Variants in DCX observed in about 807,000 individuals in gnomAD.
DCX encodes the protein neuronal migration protein doublecortin.
A neutral mutation model predicts 20.9 loss-of-function variants in DCX; 4 were observed. The ratio of observed to expected loss-of-function variants is 0.19; its 90% CI spans 0.09 to 0.44. DCX has a LOEUF of 0.44. Among genes scored for constraint, DCX ranks in the 20% least tolerant of loss-of-function variants. The probability of loss-of-function intolerance (pLI) is 0.99; values close to 1 mark genes in which losing one functional copy is unlikely to be tolerated. For missense variants in DCX, 133 were observed against 296.9 expected, an observed-to-expected ratio of 0.45 and a Z score of 4.06; for synonymous variants, 103 against 111.4, an observed-to-expected ratio of 0.92 and a Z score of 0.47.
rs761786389 is a variant in DCX, at chrX:111,410,784, G to A, written c.-22-364C>T. On this transcript the variant is annotated intron_variant, in intron 1 of 6. Transcript: ENST00000636035. ...GTGGCTCCTATCAAATTGGAACTTC[G>A]GGCTAAATACATTAAAACTGGCATC... 25 of 1,208,031 alleles carry A rather than the reference G, an allele frequency of 2.1e-5. No homozygotes were observed. The highest frequency in any genetic ancestry group is 2.6e-5 in the Non-Finnish European group (23 of 894,615).
chrX:111,295,708 AT>A lies in DCX; in HGVS notation c.*5978del, dbSNP rs1445699696. On this transcript the variant is annotated 3_prime_UTR_variant, in exon 7 of 7. Coordinates refer to ENST00000636035, the MANE Select transcript of DCX (RefSeq NM_001195553.2). ...TGGGTGGATTTTTTCTCTTCAGCTG[AT>A]TATGTCTCTGAGCACGCTTCACTGC... 4.4e-5 allele frequency: 5 copies of A among 112,455 alleles called. No homozygotes were observed. The highest frequency in any genetic ancestry group is 9.4e-5 in the Non-Finnish European group (5 of 53,290). 9.3% of individuals were successfully genotyped at this position (112,455 alleles called of 1,213,427 possible). A position where few individuals can be genotyped will look rare whatever the true frequency, so the allele number is the denominator to read the frequency against.
intron 2 of DCX, among the ~76,000 whole-genome samples, chrX:111,405,227 T>C (rs1300621951): frequency 8.9e-6 from 1 of 112,281 alleles, no homozygotes; most frequent in African/African-American, 3.2e-5. Context: ...TGCCTGGGTT[T>C]TCTCCTCTTC....
In DCX at chrX:111,408,612, GAAGAAAGAAAGAAAGAAAAGAGA is replaced by G. The variant is rs1437775728; in HGVS notation, c.364+1400_364+1422del. The stretch of plus-strand genomic sequence containing the variant: ...GCGAAACTCTGTGAAAGAAAGAAAG[GAAGAAAGAAAGAAAGAAAAGAGA>G]AAGAAAGAAAGAAAGAAAGAAAGAA... On this transcript the variant is annotated intron_variant, in intron 2 of 6. Transcript: ENST00000636035. 1.4e-4 allele frequency among the ~76,000 whole-genome samples: 12 copies of G among 87,886 alleles called. 1 individual carries two copies. The highest frequency in any genetic ancestry group is 1.1e-3 in the Admixed American group (8 of 7,198). 76.3% of individuals were successfully genotyped at this position (87,886 alleles called of 115,157 possible). A position where few individuals can be genotyped will look rare whatever the true frequency, so the allele number is the denominator to read the frequency against.
rs1014291561 is a variant in DCX, at chrX:111,337,561, T to C, written c.706-4408A>G. Among the ~76,000 whole-genome samples the C allele has an allele frequency of 2.7e-5, 3 of 111,835 alleles. No homozygotes were observed. In the Admixed American group the frequency reaches 2.8e-4, roughly 11 times the overall value. ...GAGTCTATTAGCTGCAAATAGAAAC[T>C]TCACTGTGTGACTTGATTTAAGCTT... is the stretch of plus-strand genomic sequence containing the variant. On this transcript the variant is annotated intron_variant, in intron 3 of 6. Coordinates refer to ENST00000636035, the MANE Select transcript of DCX (RefSeq NM_001195553.2).
intron 3 of DCX, among the ~76,000 whole-genome samples, chrX:111,391,139 G>A (rs1926917096): frequency 9.0e-6 from 1 of 111,176 alleles, no homozygotes; most frequent in South Asian, 3.8e-4. Flanking sequence ...GCGGGACCTG[G>A]TGGGAGGTGA....
chrX:111,333,265 A>C (rs1921427918), intron 3 of DCX, 112 bp from the exon 4 acceptor site: 1 of 581,166 alleles, frequency 1.7e-6, no homozygotes, highest in African/African-American at 2.3e-5. Context: ...TTCAGCTCCC[A>C]GGAGTTTTCT....
In DCX at chrX:111,409,564, A is replaced by G. The variant is rs550468295; in HGVS notation, c.364+471T>C. Among the ~76,000 whole-genome samples the G allele has an allele frequency of 1.9e-4, 21 of 112,004 alleles. No homozygotes were observed. The South Asian group carries it at 7.6e-3, about 40-fold the overall frequency. ...TACCTAAAAGAATAATCCTCTGTGA[A>G]TATGTCCAGGAAATCCTGCTCTTAG... is the stretch of plus-strand genomic sequence containing the variant. On this transcript the variant is annotated intron_variant, in intron 2 of 6. Coordinates refer to ENST00000636035, the MANE Select transcript of DCX (RefSeq NM_001195553.2).
intron 5 of DCX, among the ~76,000 whole-genome samples, chrX:111,330,382 C>T (rs1921104436): frequency 8.9e-6 from 1 of 111,879 alleles, no homozygotes; most frequent in Admixed American, 9.5e-5. Context: ...GCTTTACTTT[C>T]CGGTTGTGAG....
intron 5 of DCX, among the ~76,000 whole-genome samples, chrX:111,321,610 A>G (rs2095086692): frequency 9.0e-6 from 1 of 111,420 alleles, no homozygotes; most frequent in African/African-American, 3.3e-5. Flanking sequence ...TAGTTCCCAA[A>G]GAACAATGAG....
At chrX:111,306,655 G>C (rs1217279956) in intron 6 of DCX, among the ~76,000 whole-genome samples, 1 of 111,322 alleles carries the variant, frequency 9.0e-6, no homozygotes, top group Non-Finnish European at 1.9e-5. Context: ...CTCCAGGATA[G>C]ATCATATGCT....
At chrX:111,330,186 G>C (rs1046818605) in intron 5 of DCX, among the ~76,000 whole-genome samples, 2 of 111,965 alleles carry the variant, frequency 1.8e-5, no homozygotes, top group African/African-American at 6.5e-5. Context: ...TGAGCTAAAT[G>C]GTTTGCTTAA....
intron 3 of DCX, among the ~76,000 whole-genome samples, chrX:111,357,568 C>G (rs1427800064): frequency 7.2e-5 from 8 of 111,257 alleles, no homozygotes; most frequent in Non-Finnish European, 1.5e-4. Flanking sequence ...CACTTGAGCT[C>G]AGGAGTTTGA....
Position 111,376,551 on chromosome X carries a change from C to A in DCX, c.705+24439G>T, listed in dbSNP as rs146119850. On this transcript the variant is annotated intron_variant, in intron 3 of 6. Transcript: ENST00000636035. The stretch of plus-strand genomic sequence containing the variant: ...GGGCTTGCTGATCAGTAAGCAGAAC[C>A]AATGAAAATAAGAGCTGAATTGTCC... Among the ~76,000 whole-genome samples, 615 of 111,621 alleles carry A rather than the reference C, an allele frequency of 5.5e-3. 5 individuals carry two copies. The highest frequency in any genetic ancestry group is 0.019 in the African/African-American group (592 of 30,737).
chrX:111,317,648 C>T (rs1192268708), intron 5 of DCX, among the ~76,000 whole-genome samples: 1 of 111,634 alleles, frequency 9.0e-6, no homozygotes. Flanking sequence ...GTAGAAAATA[C>T]TTGCAAATTA....
At chrX:111,329,844 A>G (rs888119593) in intron 5 of DCX, among the ~76,000 whole-genome samples, 7 of 112,145 alleles carry the variant, frequency 6.2e-5, no homozygotes, top group African/African-American at 2.3e-4. Context: ...TGATGCCCCA[A>G]ACTGAAGGGC....
At chrX:111,343,522 C>T (rs1478229372) in intron 3 of DCX, among the ~76,000 whole-genome samples, 1 of 109,826 alleles carries the variant, frequency 9.1e-6, no homozygotes, top group African/African-American at 3.3e-5. Context: ...GAAGCTGGTA[C>T]CATTATTTCT....
At chrX:111,364,965 C>T (rs942085267) in intron 3 of DCX, among the ~76,000 whole-genome samples, 3 of 110,027 alleles carry the variant, frequency 2.7e-5, no homozygotes, top group Non-Finnish European at 5.7e-5. Flanking sequence ...CTGTGAGGCT[C>T]ACTGCAGCCT....
intron 3 of DCX, among the ~76,000 whole-genome samples, chrX:111,357,427 G>A (rs970853566): frequency 1.8e-5 from 2 of 111,784 alleles, no homozygotes; most frequent in South Asian, 3.8e-4. Flanking sequence ...TGAAGGCTCT[G>A]CAGCCTCTCA....
At chrX:111,383,837 C>A (rs1926167203) in intron 3 of DCX, among the ~76,000 whole-genome samples, 1 of 111,168 alleles carries the variant, frequency 9.0e-6, no homozygotes, top group Admixed American at 9.6e-5. Context: ...GGAGTCAGGT[C>A]TAGGCATTGA....
Sources: allele counts gnomAD v4.1 joint callset (sites outside exome capture counted in the v4.1 genomes callset), GRCh38; gene constraint gnomAD v4.1.1; transcripts MANE v1.5; gene names NCBI Gene and HGNC (gene_info 2026-07-23, HGNC 2026-07-21).